CEP89: variants seen among roughly 807,000 people sequenced by gnomAD.
The protein encoded by CEP89 is centrosomal protein 89, also known as centrosomal protein of 89 kDa.
Under a neutral mutation model 97.6 loss-of-function variants are expected in CEP89, and 95 were observed. The ratio of observed to expected loss-of-function variants is 0.97; its 90% CI spans 0.82 to 1.15. The LOEUF (loss-of-function observed/expected upper bound fraction) is 1.15. CEP89 is among the 50% of genes most tolerant of loss of function. The pLI is 0.00. For missense variants in CEP89, 869 were observed against 947.7 expected (o/e 0.92, Z 1.09); for synonymous variants, 354 against 349.1 (o/e 1.01, Z -0.16).
intron 14 of CEP89, among the ~76,000 whole-genome samples, chr19:32,909,743 G>T (rs1427710462): frequency 1.3e-5 from 2 of 152,174 alleles, no homozygotes; most frequent in Non-Finnish European, 2.9e-5. Flanking sequence ...GAAATGGAGA[G>T]AAAAGGTACT....
At chr19:32,937,412 TC>T in intron 7 of CEP89, 4 of 508,286 alleles carry the variant, frequency 7.9e-6, no homozygotes, top group Admixed American at 3.8e-5. Flanking sequence ...CAGGTCCACG[TC>T]CCCCCAGGTC....
At chr19:32,903,436 G>A (rs1969823988) in intron 14 of CEP89, among the ~76,000 whole-genome samples, 1 of 152,094 alleles carries the variant, frequency 6.6e-6, no homozygotes, top group Non-Finnish European at 1.5e-5. Context: ...AGATGATGGC[G>A]TTGGCAAACA....
In CEP89 at chr19:32,926,877, T is replaced by G. The variant is rs192280665; in HGVS notation, c.1080+57A>C. ...GCGCCTGGCCTGAAATGGTTTTTAATAGCTATGCAAATATACCCTGAAAAT... is the reference window on the plus strand; with the variant it reads ...GCGCCTGGCCTGAAATGGTTTTTAAGAGCTATGCAAATATACCCTGAAAAT... On this transcript the variant is annotated intron_variant, in intron 10 of 18. Coordinates refer to ENST00000305768, the MANE Select transcript of CEP89 (RefSeq NM_032816.5). 101 of 1,501,514 alleles carry G rather than the reference T, an allele frequency of 6.7e-5. No individual in the cohort carries two copies. In the East Asian group the frequency reaches 2.0e-3, roughly 30 times the overall value. 93.0% of individuals were successfully genotyped at this position (1,501,514 alleles called of 1,614,324 possible). A position where few individuals can be genotyped will look rare whatever the true frequency, so the allele number is the denominator to read the frequency against.
chr19:32,923,890 A>C (rs558854725), intron 11 of CEP89, among the ~76,000 whole-genome samples: 1 of 152,336 alleles, frequency 6.6e-6, no homozygotes, highest in South Asian at 2.1e-4. Context: ...CTTTGTTTGA[A>C]GATGCAGGAG....
intron 2 of CEP89, among the ~76,000 whole-genome samples, chr19:32,964,118 C>A (rs1347532764): frequency 1.3e-5 from 2 of 151,960 alleles, no homozygotes; most frequent in Non-Finnish European, 2.9e-5. Context: ...TAGTATAAGG[C>A]CCAGTTATAG....
intron 9 of CEP89, among the ~76,000 whole-genome samples, chr19:32,930,987 G>A (rs538523018): frequency 5.3e-5 from 8 of 152,178 alleles, no homozygotes; most frequent in African/African-American, 1.9e-4. Context: ...CCATGCTCAA[G>A]AGATCCTCTT....
At chr19:32,957,551 T>C (rs1463112541) in intron 3 of CEP89, among the ~76,000 whole-genome samples, 2 of 152,284 alleles carry the variant, frequency 1.3e-5, no homozygotes, top group East Asian at 3.9e-4. Context: ...GGTTCATGCC[T>C]GTCATCCCAG....
intron 4 of CEP89, among the ~76,000 whole-genome samples, chr19:32,951,886 T>C (rs899926366): frequency 2.6e-5 from 4 of 151,994 alleles, no homozygotes; most frequent in Non-Finnish European, 5.9e-5. Flanking sequence ...AGGGAAATAT[T>C]GTAGTAAGCT....
intron 4 of CEP89, among the ~76,000 whole-genome samples, chr19:32,953,265 C>T (rs1004544890): frequency 2.7e-5 from 4 of 150,918 alleles, no homozygotes; most frequent in Non-Finnish European, 4.4e-5. Context: ...CGATCTTCCC[C>T]GTCAGGCATG....
chr19:32,917,754 C>A, intron 13 of CEP89: 3 of 978,698 alleles, frequency 3.1e-6, no homozygotes, highest in South Asian at 9.5e-5. Context: ...GGGACACTCT[C>A]GGAAGGTGTT....
At position 32,897,393 on chromosome 19, in the gene CEP89, T is replaced by C. The variant is rs544623914; in HGVS notation, c.1875+2464A>G. Among the ~76,000 whole-genome samples, 10 of 152,250 alleles carry C rather than the reference T, an allele frequency of 6.6e-5. No individual in the cohort carries two copies. The East Asian group carries it at 1.3e-3, about 21-fold the overall frequency. On this transcript the variant is annotated intron_variant, in intron 16 of 18. Transcript: ENST00000305768. ...GAAGCAAGCAGTTCATCTTTATAGA[T>C]AGATGAGTGACTGGAAGGAGGAGAA...
rs1970069087 is a variant in CEP89 at position 32,914,037 on chromosome 19, C to T, written c.1565+1300G>A. On this transcript the variant is annotated intron_variant, in intron 14 of 18. Coordinates refer to ENST00000305768, the MANE Select transcript of CEP89 (RefSeq NM_032816.5). ...AATATATTGTGGCCAGGCAGGCACG[C>T]CCCTGTAGTCCCAGCTACTTGTGGG... 2.0e-5 allele frequency among the ~76,000 whole-genome samples: 3 copies of T among 152,164 alleles called. No homozygotes were observed. In the South Asian group the frequency reaches 6.2e-4, roughly 32 times the overall value.
intron 12 of CEP89, among the ~76,000 whole-genome samples, chr19:32,921,709 G>T (rs542761117): frequency 5.3e-5 from 8 of 152,148 alleles, no homozygotes; most frequent in Non-Finnish European, 1.0e-4. Context: ...CTGCTTTCCA[G>T]TCCACTGTTC....
chr19:32,901,413 C>G lies in CEP89; in HGVS notation c.1566-1G>C. ...TTTCTCTTCTTCCTTCTGTAATTGG[C>G]TGAAGGACAAAAACATTACATGCTC... On this transcript the variant is annotated splice_acceptor_variant, in intron 14 of 18. Coordinates refer to ENST00000305768, the MANE Select transcript of CEP89 (RefSeq NM_032816.5). LOFTEE classifies it high-confidence loss of function. The G allele has an allele frequency of 6.2e-7, 1 of 1,609,826 alleles. No individual in the cohort carries two copies. The highest frequency in any genetic ancestry group is 1.1e-5 in the South Asian group (1 of 90,300).
intron 18 of CEP89, 60 bp downstream of exon 18, chr19:32,881,784 G>A: frequency 6.8e-7 from 1 of 1,464,764 alleles, no homozygotes; most frequent in Non-Finnish European, 9.2e-7. Context: ...GGTTTTAGCA[G>A]AACCCTCAAT....
chr19:32,880,923 A>C (rs1969268096), intron 18 of CEP89, among the ~76,000 whole-genome samples: 1 of 152,122 alleles, frequency 6.6e-6, no homozygotes, highest in African/African-American at 2.4e-5. Flanking sequence ...TTCTCTTCCT[A>C]CTAGAGGCAC....
intron 7 of CEP89, among the ~76,000 whole-genome samples, chr19:32,934,587 C>A (rs1435624325): frequency 1.3e-5 from 2 of 152,154 alleles, no homozygotes; most frequent in African/African-American, 2.4e-5. Flanking sequence ...ACCTCTGACA[C>A]ACACATATCC....
chr19:32,957,278 T>C (rs1971068334), intron 3 of CEP89, among the ~76,000 whole-genome samples: 1 of 152,184 alleles, frequency 6.6e-6, no homozygotes, highest in African/African-American at 2.4e-5. Flanking sequence ...TTTTAGTCTC[T>C]TGTTTTTAGG....
rs866806763 is a variant in CEP89 at position 32,902,004 on chromosome 19, C to G, written c.1566-592G>C. Among the ~76,000 whole-genome samples, 773 of 100,260 alleles carry G rather than the reference C, an allele frequency of 7.7e-3. 7 individuals carry two copies. Among genetic ancestry groups the G allele is most frequent in the African/African-American group, 0.025 (465 of 18,594 alleles). The allele number at this position is 100,260 out of a possible 152,430, so 65.8% of individuals were successfully genotyped here. ...TATGTCTCTGTCTCTCTGTCTCTCT[C>G]TCTCTCTGTGTGTGTGTGTGTGTGT... On this transcript the variant is annotated intron_variant, in intron 14 of 18. Transcript: ENST00000305768.
Sources: gnomAD v4.1 joint callset for allele counts (sites outside exome capture counted in the v4.1 genomes callset) on GRCh38, gnomAD v4.1.1 for gene constraint, MANE v1.5 for transcripts, NCBI Gene and HGNC (gene_info 2026-07-23, HGNC 2026-07-21) for gene names.